Variants in AGBL1 observed in about 807,000 individuals in gnomAD.
AGBL1 encodes the protein cytosolic carboxypeptidase 4.
Under a neutral mutation model 118.9 loss-of-function variants are expected in AGBL1, and 130 were observed. That is an observed-to-expected ratio of 1.09 (90% CI 0.95 to 1.26). AGBL1 has a LOEUF of 1.26. AGBL1 is among the 50% of genes most tolerant of loss of function. The probability of loss-of-function intolerance (pLI) is 0.00; values close to 1 mark genes in which losing one functional copy is unlikely to be tolerated. For missense variants in AGBL1, 1,584 were observed against 1,298.1 expected (o/e 1.22, Z -3.38); for synonymous variants, 555 against 478.9 (o/e 1.16, Z -2.08).
At chr15:86,499,276 C>G (rs561471326) in intron 18 of AGBL1, among the ~76,000 whole-genome samples, 2 of 151,852 alleles carry the variant, frequency 1.3e-5, no homozygotes, top group African/African-American at 4.8e-5. Flanking sequence ...TAGAAAAACA[C>G]GCTATTGTTA....
At chr15:86,518,618 C>A (rs1044319558) in intron 18 of AGBL1, among the ~76,000 whole-genome samples, 1 of 152,078 alleles carries the variant, frequency 6.6e-6, no homozygotes, top group Non-Finnish European at 1.5e-5. Flanking sequence ...CAGACATTGG[C>A]TGCAAATGCC....
chr15:86,482,050 G>A (rs556737463), intron 18 of AGBL1, among the ~76,000 whole-genome samples: 13 of 152,202 alleles, frequency 8.5e-5, no homozygotes, highest in East Asian at 1.9e-4. Flanking sequence ...CTTACTCATC[G>A]TTCACAGCTT....
At chr15:86,565,046 A>G (rs1000622068) in intron 21 of AGBL1, among the ~76,000 whole-genome samples, 5 of 152,084 alleles carry the variant, frequency 3.3e-5, no homozygotes, top group African/African-American at 1.2e-4. Flanking sequence ...TCTGTTTTCG[A>G]GGTTTTTAGC....
chr15:86,960,070 G>T (rs1343254854), intron 23 of AGBL1, among the ~76,000 whole-genome samples: 1 of 152,104 alleles, frequency 6.6e-6, no homozygotes, highest in Non-Finnish European at 1.5e-5. Flanking sequence ...AAGGCCTTTT[G>T]CTTCTTTAAC....
At chr15:86,672,047 G>A (rs890360851) in intron 21 of AGBL1, among the ~76,000 whole-genome samples, 4 of 152,140 alleles carry the variant, frequency 2.6e-5, no homozygotes, top group African/African-American at 9.7e-5. Context: ...ACTCCAGCTT[G>A]GGTGACAGAG....
At position 86,748,913 on chromosome 15, in the gene AGBL1, C is replaced by T. The variant is rs548369821; in HGVS notation, c.3158+74477C>T. On this transcript the variant is annotated intron_variant, in intron 22 of 22. Transcript: ENST00000614907. ...TTCCATGCTCTTTTGGTTACTGTAGCCTTGTAGTATAGTTTGAAGTCAGGT... is the reference window on the plus strand; with the variant it reads ...TTCCATGCTCTTTTGGTTACTGTAGTCTTGTAGTATAGTTTGAAGTCAGGT... 3.0e-4 allele frequency among the ~76,000 whole-genome samples: 45 copies of T among 152,074 alleles called. 1 individual carries two copies. The highest frequency in any genetic ancestry group is 6.8e-3 in the Middle Eastern group (2 of 294).
intron 23 of AGBL1, among the ~76,000 whole-genome samples, chr15:86,986,273 G>T (rs1006676299): frequency 6.6e-6 from 1 of 152,082 alleles, no homozygotes; most frequent in African/African-American, 2.4e-5. Context: ...ATTTAAAAAA[G>T]TTTATTTCTT....
intron 17 of AGBL1, among the ~76,000 whole-genome samples, chr15:86,351,562 C>A (rs886092042): frequency 6.6e-6 from 1 of 152,078 alleles, no homozygotes; most frequent in Admixed American, 6.5e-5. Context: ...GAAGGCCACT[C>A]CTTTGCACAC....
At chr15:86,334,216 A>G (rs982238153) in intron 17 of AGBL1, among the ~76,000 whole-genome samples, 3 of 152,190 alleles carry the variant, frequency 2.0e-5, no homozygotes, top group Non-Finnish European at 4.4e-5. Flanking sequence ...TCTAAATAGG[A>G]AAAAAAGAAG....
intron 5 of AGBL1, among the ~76,000 whole-genome samples, chr15:86,176,420 G>T (rs1427454415): frequency 6.6e-6 from 1 of 152,242 alleles, no homozygotes; most frequent in Non-Finnish European, 1.5e-5. Context: ...CAAGGTTGCT[G>T]TCAGTGGCAG....
At chr15:86,760,483 G>T (rs907713032) in intron 22 of AGBL1, among the ~76,000 whole-genome samples, 2 of 151,972 alleles carry the variant, frequency 1.3e-5, no homozygotes, top group Non-Finnish European at 2.9e-5. Context: ...ACCACAGAAG[G>T]GGTGAGGGAT....
In AGBL1 at chr15:86,413,924, A is replaced by C. The variant is rs531807847; in HGVS notation, c.2555+16378A>C. On this transcript the variant is annotated intron_variant, in intron 18 of 22. Transcript: ENST00000614907. Reference sequence around the variant, plus strand: ...GTAGCAAAGATGTGGAATCAACCTAACTGTCCATCAATGGATGATTGAATA... The same window carrying C: ...GTAGCAAAGATGTGGAATCAACCTACCTGTCCATCAATGGATGATTGAATA... Among the ~76,000 whole-genome samples the C allele has an allele frequency of 1.4e-3, 220 of 152,252 alleles. 6 individuals carry two copies. In the South Asian group the frequency reaches 0.044, roughly 30 times the overall value.
chr15:86,545,629 A>T (rs1429339579), intron 19 of AGBL1, among the ~76,000 whole-genome samples: 1 of 152,114 alleles, frequency 6.6e-6, no homozygotes, highest in Non-Finnish European at 1.5e-5. Context: ...CAAATTGTTT[A>T]AAATACTCAT....
Position 87,016,958 on chromosome 15 carries a change from G to A in AGBL1, c.3324-11867G>A, listed in dbSNP as rs144695051. On this transcript the variant is annotated intron_variant, in intron 24 of 24. Coordinates refer to the AGBL1 transcript ENST00000441037. ...AGACCCAGGAGTTTTGCATACTGTG[G>A]CCCCAGGATTTCTGACAAGGTAAGA... is the stretch of plus-strand genomic sequence containing the variant. Among the ~76,000 whole-genome samples, 114 of 152,222 alleles carry A rather than the reference G, an allele frequency of 7.5e-4. 2 individuals are homozygous for A. In the East Asian group the frequency reaches 0.014, roughly 19 times the overall value.
intron 22 of AGBL1, among the ~76,000 whole-genome samples, chr15:86,832,972 A>G (rs2079126030): frequency 6.6e-6 from 1 of 152,178 alleles, no homozygotes; most frequent in Non-Finnish European, 1.5e-5. Context: ...CCTTACAATC[A>G]TCATGGAAGG....
chr15:87,006,463 G>T (rs2081505186), intron 24 of AGBL1, among the ~76,000 whole-genome samples: 1 of 152,162 alleles, frequency 6.6e-6, no homozygotes, highest in Non-Finnish European at 1.5e-5. Context: ...CCATGAGTGA[G>T]GCTCCGTGGG....
chr15:86,194,683 C>G (rs1025911815), intron 5 of AGBL1, among the ~76,000 whole-genome samples: 5 of 152,044 alleles, frequency 3.3e-5, no homozygotes, highest in African/African-American at 1.2e-4. Flanking sequence ...AATTCCTGAC[C>G]CCGTGTTGGG....
Position 86,882,561 on chromosome 15 carries a change from A to G in AGBL1, c.3159-24526A>G, listed in dbSNP as rs544357513. Among the ~76,000 whole-genome samples, 7 of 152,318 alleles carry G rather than the reference A, an allele frequency of 4.6e-5. No individual in the cohort carries two copies. The South Asian group carries it at 1.2e-3, about 27-fold the overall frequency. On this transcript the variant is annotated intron_variant, in intron 22 of 22. Coordinates refer to ENST00000614907, the MANE Select transcript of AGBL1 (RefSeq NM_001386094.1). Reference sequence around the variant, plus strand: ...TGTTTTTCATATAAAATTTAGATATATTAATAATAGTTAACCAACTGGGCT... The same window carrying G: ...TGTTTTTCATATAAAATTTAGATATGTTAATAATAGTTAACCAACTGGGCT...
chr15:86,572,607 G>C (rs1306909194), intron 21 of AGBL1, among the ~76,000 whole-genome samples: 1 of 152,194 alleles, frequency 6.6e-6, no homozygotes, highest in Non-Finnish European at 1.5e-5. Flanking sequence ...GGCCAGAGCT[G>C]CGGAGGCTCT....
Sources: allele counts gnomAD v4.1 joint callset (sites outside exome capture counted in the v4.1 genomes callset), GRCh38; gene constraint gnomAD v4.1.1; transcripts MANE v1.5; gene names NCBI Gene and HGNC (gene_info 2026-07-23, HGNC 2026-07-21).